The following TNPO1 variants were observed in gnomAD, a reference collection of about 807,000 sequenced individuals.
TNPO1 encodes transportin-1.
Under a neutral mutation model 119.5 loss-of-function variants are expected in TNPO1, and 8 were observed. The ratio of observed to expected loss-of-function variants is 0.07; its 90% CI spans 0.04 to 0.12. The LOEUF (loss-of-function observed/expected upper bound fraction) is 0.12, where lower values mean the gene tolerates loss of function less well. Ranked by LOEUF, TNPO1 falls within the 10% of genes least tolerant of loss-of-function variation. The probability of loss-of-function intolerance (pLI) is 1.00; values close to 1 mark genes in which losing one functional copy is unlikely to be tolerated. For missense variants in TNPO1, 576 were observed against 1,089.8 expected (o/e 0.53, Z 6.64); for synonymous variants, 362 against 363.0 (o/e 1.00, Z 0.03).
At position 72,875,697 on chromosome 5, in the gene TNPO1, G is replaced by A. The variant is rs1747710059; in HGVS notation, c.761G>A (p.Arg254Gln). The change falls in exon 8 of 25, where the codon CGA (arginine) becomes CAA (glutamine). Residue 254 changes from arginine (R) to glutamine (Q), a missense_variant. Arg to Gln is a conservative substitution (Grantham distance 43). Coordinates refer to ENST00000337273, the MANE Select transcript of TNPO1 (RefSeq NM_002270.4). The part of the protein sequence containing the change: ...CRALVMLLEV[R>Q]MDRLLPHMHN... ...GCACTTGTGATGTTGCTCGAAGTTC[G>A]AATGGATCGCCTGCTTCCTCACATG... 3 of 1,613,236 alleles carry A rather than the reference G, an allele frequency of 1.9e-6. No homozygotes were observed. The highest frequency in any genetic ancestry group is 2.5e-6 in the Non-Finnish European group (3 of 1,179,460).
At chr5:72,851,135 AC>A (rs1394383059) in intron 2 of TNPO1, 108 bp from the exon 3 acceptor site, 13 of 693,152 alleles carry the variant, frequency 1.9e-5, no homozygotes, top group Non-Finnish European at 3.0e-5. Context: ...TAAAAAAAAA[AC>A]GCAGGACTGA....
chr5:72,825,950 T>A (rs2112173421), intron 1 of TNPO1: 1 of 152,494 alleles, frequency 6.6e-6, no homozygotes, highest in Non-Finnish European at 1.5e-5. Flanking sequence ...CTCTACATGA[T>A]CTGCCCAATC....
intron 1 of TNPO1, among the ~76,000 whole-genome samples, chr5:72,832,883 C>T (rs1744537377): frequency 6.6e-6 from 1 of 152,278 alleles, no homozygotes; most frequent in East Asian, 1.9e-4. Context: ...CTACTCTTCC[C>T]ACTCAGTTTA....
At chr5:72,882,257 C>A (rs984171787) in intron 9 of TNPO1, among the ~76,000 whole-genome samples, 18 of 152,160 alleles carry the variant, frequency 1.2e-4, no homozygotes, top group Middle Eastern at 6.3e-3. Context: ...ATTTCTTAAA[C>A]CTATCCAGGG....
chr5:72,892,108 A>G (rs1749105280), intron 15 of TNPO1, among the ~76,000 whole-genome samples: 1 of 152,144 alleles, frequency 6.6e-6, no homozygotes, highest in Non-Finnish European at 1.5e-5. Context: ...TATATAGAGT[A>G]GATAGCATAC....
chr5:72,877,119 TG>T, intron 8 of TNPO1, 108 bp from the exon 9 acceptor site: 1 of 478,012 alleles, frequency 2.1e-6, no homozygotes, highest in Non-Finnish European at 3.6e-6. Flanking sequence ...AAAAAAAAAT[TG>T]CCTAGGTTGA....
At chr5:72,863,528 G>A (rs1352208496) in intron 5 of TNPO1, among the ~76,000 whole-genome samples, 1 of 152,060 alleles carries the variant, frequency 6.6e-6, no homozygotes, top group Non-Finnish European at 1.5e-5. Context: ...GGGAGACTGA[G>A]GCAGGTGGAT....
intron 1 of TNPO1, among the ~76,000 whole-genome samples, chr5:72,826,377 A>G (rs1744206317): frequency 6.6e-6 from 1 of 152,210 alleles, no homozygotes; most frequent in Non-Finnish European, 1.5e-5. Context: ...AAAGCAAAAA[A>G]TACGTGACAT....
rs1750598878 is a variant in TNPO1 at position 72,912,056 on chromosome 5, T to A, written c.*3383T>A. ...TTTTTGTATTGTCTAATCTCTTCAA[T>A]GACTTCATACTGTGTAAAAAAAAAT... On this transcript the variant is annotated 3_prime_UTR_variant, in exon 25 of 25. Coordinates refer to ENST00000337273, the MANE Select transcript of TNPO1 (RefSeq NM_002270.4). The A allele has an allele frequency of 6.6e-6, 1 of 152,372 alleles. No homozygotes were observed. Among genetic ancestry groups the A allele is most frequent in the African/African-American group, 2.4e-5 (1 of 41,280 alleles). The allele number at this position is 152,372 out of a possible 1,614,324, so 9.4% of individuals were successfully genotyped here.
intron 1 of TNPO1, among the ~76,000 whole-genome samples, chr5:72,845,524 G>A (rs1031555755): frequency 6.6e-6 from 1 of 152,138 alleles, no homozygotes. Context: ...TAAATGTTAT[G>A]TATGTAGATT....
rs201581963 is a variant in TNPO1 at position 72,872,693 on chromosome 5, A to G, written c.651A>G (p.Leu217=). 1.7e-4 allele frequency: 281 copies of G among 1,609,342 alleles called. No homozygotes were observed. The highest frequency in any genetic ancestry group is 2.3e-4 in the Non-Finnish European group (269 of 1,177,872). ...NQFIISRTQA[L]MLHIDSFIEN... ...TTATCATCAGTAGGACTCAAGCTCT[A>G]ATGTTGCACATTGATTCTTTTATTG... Residue 217 remains leucine (L), a synonymous_variant, in exon 7 of 25, where the codon CTA becomes CTG. Coordinates refer to ENST00000337273, the MANE Select transcript of TNPO1 (RefSeq NM_002270.4).
chr5:72,846,967 CACAT>C (rs1745157977), intron 1 of TNPO1, among the ~76,000 whole-genome samples: 1 of 152,006 alleles, frequency 6.6e-6, no homozygotes, highest in African/African-American at 2.4e-5. Flanking sequence ...TGCATAAAAA[CACAT>C]AGAATGAAGA....
chr5:72,896,609 C>T, intron 19 of TNPO1, 53 bp downstream of exon 19: 1 of 1,438,214 alleles, frequency 7.0e-7, no homozygotes, highest in Non-Finnish European at 9.7e-7. Flanking sequence ...GTGGCTCACG[C>T]CTGTAATCCC....
chr5:72,823,788 A>AG (rs1272497659), intron 1 of TNPO1, among the ~76,000 whole-genome samples: 1 of 152,154 alleles, frequency 6.6e-6, no homozygotes, highest in Non-Finnish European at 1.5e-5. Flanking sequence ...GAGCATGGCC[A>AG]GAAAAAAAAC....
intron 14 of TNPO1, among the ~76,000 whole-genome samples, chr5:72,891,466 A>G (rs1055104216): frequency 2.0e-5 from 3 of 152,088 alleles, no homozygotes; most frequent in Non-Finnish European, 2.9e-5. Context: ...CTCCGTCTCA[A>G]AAAAAAGAGA....
intron 1 of TNPO1, among the ~76,000 whole-genome samples, chr5:72,829,715 G>C (rs1346656992): frequency 6.6e-6 from 1 of 152,202 alleles, no homozygotes; most frequent in African/African-American, 2.4e-5. Flanking sequence ...AACCAAATGA[G>C]AGTATGTGAT....
intron 7 of TNPO1, 127 bp from the exon 8 acceptor site, chr5:72,875,488 T>C (rs1747692814): frequency 4.8e-6 from 4 of 832,944 alleles, no homozygotes; most frequent in Non-Finnish European, 7.2e-6. Flanking sequence ...AATCTAATAT[T>C]GTAGGCCAAT....
At position 72,858,636 on chromosome 5, in the gene TNPO1, A is replaced by G. The variant is rs551819745; in HGVS notation, c.355+2713A>G. On this transcript the variant is annotated intron_variant, in intron 4 of 24. Transcript: ENST00000337273. ...GCGGATCACGAGGTCAGGAGATCGA[A>G]ACCATCCTGGCTAACATGGTGAAAC... Among the ~76,000 whole-genome samples the G allele has an allele frequency of 2.1e-4, 32 of 152,186 alleles. 1 individual carries two copies. The highest frequency in any genetic ancestry group is 5.1e-4 in the African/African-American group (21 of 41,536).
chr5:72,872,613 T>C, intron 6 of TNPO1, 26 bp from the exon 7 acceptor site: 1 of 1,529,828 alleles, frequency 6.5e-7, no homozygotes, highest in Non-Finnish European at 9.0e-7. Flanking sequence ...AATGAGCATA[T>C]GTTAAATTTT....
Sources: allele counts gnomAD v4.1 joint callset (sites outside exome capture counted in the v4.1 genomes callset), GRCh38; gene constraint gnomAD v4.1.1; transcripts MANE v1.5; gene names NCBI Gene and HGNC (gene_info 2026-07-23, HGNC 2026-07-21).